Variants in VWDE observed in about 807,000 individuals in gnomAD.
The protein encoded by VWDE is von Willebrand factor D and EGF domains.
Under a neutral mutation model 178.4 loss-of-function variants are expected in VWDE, and 207 were observed. That is an observed-to-expected ratio of 1.16 (90% CI 1.04 to 1.30). VWDE has a LOEUF of 1.30. Ranked by LOEUF, VWDE falls within the 50% of genes most tolerant of loss-of-function variation. The pLI, the probability that VWDE is intolerant of heterozygous loss-of-function variation, is 0.00. For synonymous variants in VWDE, 738 were observed against 651.4 expected (o/e 1.13, Z -2.02); for missense variants, 2,287 against 1,901.3 (o/e 1.20, Z -3.77).
chr7:12,396,444 G>A (rs771090258), intron 1 of VWDE, among the ~76,000 whole-genome samples: 2 of 152,080 alleles, frequency 1.3e-5, no homozygotes, highest in Non-Finnish European at 2.9e-5. Flanking sequence ...ATTCCTACAG[G>A]AATTTCAAGT....
At chr7:12,395,068 T>C (rs1385268037) in intron 1 of VWDE, among the ~76,000 whole-genome samples, 1 of 152,120 alleles carries the variant, frequency 6.6e-6, no homozygotes, top group Admixed American at 6.5e-5. Flanking sequence ...TTCCAAATGA[T>C]CTCTCTACAG....
In VWDE at chr7:12,389,157, T is replaced by C. The variant is rs1784249387; in HGVS notation, c.445A>G (p.Thr149Ala). Residue 149 changes from threonine to alanine, a missense_variant, in exon 3 of 29, where the codon ACT (threonine) becomes GCT (alanine). Physicochemically the swap from Thr to Ala is moderately conservative, Grantham distance 58. Transcript: ENST00000275358. ...GNFSVYLLQP[T>A]QGCMGYCAEA... ...GCACAGTAGCCCATACATCCCTGAGTTGGTTGTAGTAAGTATACAGAAAAG... is the reference window on the plus strand; with the variant it reads ...GCACAGTAGCCCATACATCCCTGAGCTGGTTGTAGTAAGTATACAGAAAAG... 3 of 1,550,886 alleles carry C rather than the reference T, an allele frequency of 1.9e-6. No homozygotes were observed. Among genetic ancestry groups the C allele is most frequent in the Non-Finnish European group, 1.7e-6 (2 of 1,146,066 alleles).
chr7:12,337,284 C>T lies in VWDE; in HGVS notation c.4367-12G>A, dbSNP rs1781096256. 2 of 1,547,906 alleles carry T rather than the reference C, an allele frequency of 1.3e-6. No homozygotes were observed. The highest frequency in any genetic ancestry group is 1.7e-6 in the Non-Finnish European group (2 of 1,143,564). ...AGGGTGACAGAAAGCTAAAAGAACA[C>T]ATGGCAGCAATCTGTGAATATTACA... On this transcript the variant is annotated splice_polypyrimidine_tract_variant and intron_variant, in intron 24 of 28. Coordinates refer to ENST00000275358, the MANE Select transcript of VWDE (RefSeq NM_001135924.3).
At chr7:12,346,960 G>A (rs1781638135) in intron 19 of VWDE, among the ~76,000 whole-genome samples, 1 of 152,094 alleles carries the variant, frequency 6.6e-6, no homozygotes, top group African/African-American at 2.4e-5. Flanking sequence ...TTGGCAACAA[G>A]TGCAATGAAA....
At chr7:12,359,803 A>C in intron 15 of VWDE, 111 bp from the exon 16 acceptor site, 1 of 610,406 alleles carries the variant, frequency 1.6e-6, no homozygotes, top group Non-Finnish European at 2.9e-6. Flanking sequence ...AAGCACATAC[A>C]TCTATTTTGA....
At chr7:12,364,691 G>A (rs1275004842) in intron 13 of VWDE, among the ~76,000 whole-genome samples, 2 of 152,094 alleles carry the variant, frequency 1.3e-5, no homozygotes, top group Non-Finnish European at 2.9e-5. Context: ...GATGGAAATA[G>A]AAAATCACCA....
In VWDE at chr7:12,380,595, C is replaced by T. The variant is rs1288402178; in HGVS notation, c.680G>A (p.Trp227Ter). ...GACTTCTTGAGAAGAAAGCCTAGAC[C>T]AAGCTATGTGAAATCCCACTGAGTT... The part of the protein sequence containing the change: ...TKNSVGFHIA[W>*]SRLSSQEVKE... The change falls in exon 5 of 29, where the codon TGG becomes TAG. Residue 227 changes from tryptophan to a stop codon, truncating the protein, a stop_gained. Coordinates refer to ENST00000275358, the MANE Select transcript of VWDE (RefSeq NM_001135924.3). LOFTEE classifies it high-confidence loss of function. 1.3e-6 allele frequency: 2 copies of T among 1,552,248 alleles called. No individual in the cohort carries two copies. The highest frequency in any genetic ancestry group is 2.4e-5 in the East Asian group (1 of 40,904).
Position 12,370,698 on chromosome 7 carries a change from T to C in VWDE, c.1754A>G (p.Asp585Gly), listed in dbSNP as rs771730115. The C allele has an allele frequency of 5.8e-6, 9 of 1,551,230 alleles. No homozygotes were observed. In the South Asian group the frequency reaches 8.3e-5, roughly 14 times the overall value. ...AGCAACATAATTGTTAAAATTTTGA[T>C]CAATTTGCATCCCATTTTTGTCATG... ...DFHDKNGMQI[D>G]QNFNNYVAFI... The change falls in exon 11 of 29, where the codon GAT (aspartate) becomes GGT (glycine). Residue 585 changes from aspartate (D) to glycine (G), a missense_variant. Physicochemically the swap from Asp to Gly is moderately conservative, Grantham distance 94 (BLOSUM62 -1). Coordinates refer to ENST00000275358, the MANE Select transcript of VWDE (RefSeq NM_001135924.3).
chr7:12,354,617 G>C (rs1422401383), intron 18 of VWDE: 1 of 204,738 alleles, frequency 4.9e-6, no homozygotes, highest in Non-Finnish European at 1.0e-5. Flanking sequence ...TATGCATTAT[G>C]AGGACAGAAG....
At chr7:12,343,015 G>T in intron 22 of VWDE, 68 bp downstream of exon 22, 1 of 1,173,624 alleles carries the variant, frequency 8.5e-7, no homozygotes. Flanking sequence ...ATTTCACGTA[G>T]CATTAAGGCC....
At chr7:12,338,978 C>G (rs543032630) in intron 24 of VWDE, among the ~76,000 whole-genome samples, 1 of 152,230 alleles carries the variant, frequency 6.6e-6, no homozygotes, top group East Asian at 1.9e-4. Context: ...GTGCCATCTT[C>G]CCTTCCCACC....
chr7:12,340,322 C>T lies in VWDE; in HGVS notation c.4366G>A (p.Ala1456Thr), dbSNP rs1008021885. The T allele has an allele frequency of 7.1e-6, 11 of 1,548,438 alleles. No homozygotes were observed. In the Admixed American group the frequency reaches 1.2e-4, roughly 17 times the overall value. The stretch of plus-strand genomic sequence containing the variant: ...TTACATACAAAGAAAGAATAATTAC[C>T]ATTCTGACAGTGTTCCCCAAAGAAT... ...NGFFGEHCQN[A>T]FCHPPCKNGG... The change falls in exon 24 of 29, where the codon GCT becomes ACT. Residue 1456 changes from alanine (A) to threonine (T), a missense_variant and splice_region_variant. Coordinates refer to ENST00000275358, the MANE Select transcript of VWDE (RefSeq NM_001135924.3).
intron 27 of VWDE, among the ~76,000 whole-genome samples, chr7:12,334,351 T>C (rs573663008): frequency 2.6e-5 from 4 of 152,164 alleles, no homozygotes; most frequent in Admixed American, 2.6e-4. Context: ...AAATTATATA[T>C]AATAGTTATT....
At chr7:12,370,621 T>G (rs1783131935) in intron 11 of VWDE, 35 bp downstream of exon 11, 2 of 1,544,984 alleles carry the variant, frequency 1.3e-6, no homozygotes, top group South Asian at 2.4e-5. Flanking sequence ...AAGTCTAATA[T>G]TAATATAATC....
At chr7:12,361,081 G>T (rs1348813054) in intron 15 of VWDE, 66 bp downstream of exon 15, 2 of 984,692 alleles carry the variant, frequency 2.0e-6, no homozygotes, top group Non-Finnish European at 1.5e-6. Flanking sequence ...CAATTAATGT[G>T]CCCACAGCAT....
At chr7:12,338,124 G>A (rs1781136847) in intron 24 of VWDE, among the ~76,000 whole-genome samples, 1 of 151,986 alleles carries the variant, frequency 6.6e-6, no homozygotes, top group African/African-American at 2.4e-5. Flanking sequence ...TGAATTACTA[G>A]CTGCTTTCTT....
chr7:12,372,968 C>T lies in VWDE; in HGVS notation c.1587+9G>A. ...AAAAATACTTTCAATGTTAAAGAAT[C>T]ATACATACTGTGACTTTTCTTCCTA... On this transcript the variant is annotated intron_variant, in intron 10 of 28. Transcript: ENST00000275358. 6.5e-7 allele frequency: 1 copy of T among 1,549,412 alleles called. No homozygotes were observed. Among genetic ancestry groups the T allele is most frequent in the Non-Finnish European group, 8.7e-7 (1 of 1,145,770 alleles).
intron 1 of VWDE, among the ~76,000 whole-genome samples, chr7:12,402,587 TC>T (rs767280741): frequency 4.6e-5 from 7 of 152,218 alleles, no homozygotes; most frequent in Non-Finnish European, 8.8e-5. Context: ...GTCATTTTTT[TC>T]CTGGAAATAT....
chr7:12,334,335 AC>A (rs1780894493), intron 27 of VWDE, among the ~76,000 whole-genome samples: 1 of 152,212 alleles, frequency 6.6e-6, no homozygotes, highest in Non-Finnish European at 1.5e-5. Flanking sequence ...AAATGAGCGT[AC>A]CACAAAATTA....
Sources: allele counts gnomAD v4.1 joint callset (sites outside exome capture counted in the v4.1 genomes callset), GRCh38; gene constraint gnomAD v4.1.1; transcripts MANE v1.5; gene names NCBI Gene and HGNC (gene_info 2026-07-23, HGNC 2026-07-21).